The following HECW2 variants were observed in gnomAD, a reference collection of about 807,000 sequenced individuals.
HECW2 encodes HECT, C2 and WW domain containing E3 ubiquitin protein ligase 2, also known as E3 ubiquitin-protein ligase HECW2.
Under a neutral mutation model 175.2 loss-of-function variants are expected in HECW2, and 61 were observed. The observed-to-expected ratio is 0.35, with a 90% CI of 0.28 to 0.43. HECW2 has a LOEUF of 0.43. Among genes scored for constraint, HECW2 ranks in the 20% least tolerant of loss-of-function variants. The pLI is 1.00. For synonymous variants in HECW2, 671 were observed against 731.0 expected, an observed-to-expected ratio of 0.92 and a Z score of 1.32; for missense variants, 1,524 against 2,000.5, an observed-to-expected ratio of 0.76 and a Z score of 4.54.
intron 1 of HECW2, among the ~76,000 whole-genome samples, chr2:196,573,565 G>A (rs1189342476): frequency 6.6e-6 from 1 of 151,974 alleles, no homozygotes; most frequent in African/African-American, 2.4e-5. Context: ...TATATGACCT[G>A]GCAGTTAGCT....
intron 1 of HECW2, among the ~76,000 whole-genome samples, chr2:196,491,485 T>C (rs1300377948): frequency 3.9e-5 from 5 of 127,054 alleles, no homozygotes; most frequent in African/African-American, 1.1e-4. Flanking sequence ...TATATATATA[T>C]ACACATATAT....
chr2:196,283,261 CAAA>C (rs1190850443), intron 14 of HECW2, among the ~76,000 whole-genome samples: 6 of 45,286 alleles, frequency 1.3e-4, no homozygotes, highest in Non-Finnish European at 1.9e-4. Context: ...GACTCCATCT[CAAA>C]AAAAAAAAAA....
At chr2:196,219,596 C>CT (rs1418030301) in intron 26 of HECW2, among the ~76,000 whole-genome samples, 1 of 152,162 alleles carries the variant, frequency 6.6e-6, no homozygotes, top group Non-Finnish European at 1.5e-5. Flanking sequence ...TTCAAGTGTT[C>CT]TGACTATGAA....
intron 2 of HECW2, among the ~76,000 whole-genome samples, chr2:196,396,908 G>A (rs1010821082): frequency 6.6e-6 from 1 of 151,944 alleles, no homozygotes; most frequent in Non-Finnish European, 1.5e-5. Flanking sequence ...TCAGGAGATT[G>A]AGACCATCCT....
chr2:196,538,523 T>C (rs1285244181), intron 1 of HECW2, among the ~76,000 whole-genome samples: 2 of 152,176 alleles, frequency 1.3e-5, no homozygotes. Flanking sequence ...CCACAGTACA[T>C]TTTTGGGAGA....
intron 2 of HECW2, among the ~76,000 whole-genome samples, chr2:196,374,849 A>AG (rs60927181): frequency 6.6e-6 from 1 of 151,632 alleles, no homozygotes; most frequent in African/African-American, 2.4e-5. Context: ...AAAAAAAAAA[A>AG]GAAGCAAAGA....
chr2:196,373,473 C>G (rs1204720775), intron 2 of HECW2, among the ~76,000 whole-genome samples: 4 of 152,160 alleles, frequency 2.6e-5, no homozygotes, highest in African/African-American at 9.7e-5. Flanking sequence ...AAATGTCCTT[C>G]CTGGAACAAA....
intron 1 of HECW2, among the ~76,000 whole-genome samples, chr2:196,462,767 G>A (rs942749174): frequency 2.0e-5 from 3 of 151,856 alleles, no homozygotes; most frequent in Non-Finnish European, 4.4e-5. Context: ...ACACAAGTCA[G>A]GTCAAAACAA....
intron 16 of HECW2, among the ~76,000 whole-genome samples, chr2:196,271,865 A>T (rs1689753041): frequency 6.6e-6 from 1 of 152,232 alleles, no homozygotes; most frequent in Admixed American, 6.5e-5. Context: ...CTTACATTCC[A>T]ATTTGTATCT....
At chr2:196,564,037 T>C (rs1348796991) in intron 1 of HECW2, among the ~76,000 whole-genome samples, 1 of 152,156 alleles carries the variant, frequency 6.6e-6, no homozygotes, top group African/African-American at 2.4e-5. Context: ...CTACAGTAGT[T>C]AACACTTAAC....
At chr2:196,501,304 GAC>G (rs1687570826) in intron 1 of HECW2, among the ~76,000 whole-genome samples, 1 of 152,162 alleles carries the variant, frequency 6.6e-6, no homozygotes, top group East Asian at 1.9e-4. Flanking sequence ...TATTTTTTGA[GAC>G]AGAGTCTCAC....
At chr2:196,529,873 C>G (rs1430562884) in intron 1 of HECW2, among the ~76,000 whole-genome samples, 1 of 152,204 alleles carries the variant, frequency 6.6e-6, no homozygotes. Flanking sequence ...TCAGCCTGCC[C>G]TAACTAATAC....
intron 1 of HECW2, chr2:196,592,920 C>T (rs1474343336): frequency 2.0e-5 from 3 of 151,206 alleles, no homozygotes; most frequent in Non-Finnish European, 4.4e-5. Flanking sequence ...GGGGGCGCCG[C>T]CGCGCGTTGC....
intron 3 of HECW2, among the ~76,000 whole-genome samples, chr2:196,339,433 T>C (rs147599365): frequency 6.6e-6 from 1 of 152,326 alleles, no homozygotes; most frequent in Admixed American, 6.5e-5. Context: ...CAAATATCAG[T>C]GTTTTGTCAT....
chr2:196,452,108 G>C (rs1368088434), intron 1 of HECW2, among the ~76,000 whole-genome samples: 1 of 152,136 alleles, frequency 6.6e-6, no homozygotes, highest in East Asian at 1.9e-4. Flanking sequence ...GTACAACACT[G>C]TGTTGTCCAT....
rs1575613486 is a variant in HECW2, at chr2:196,505,249, G to A, written c.-35-71791C>T. On this transcript the variant is annotated intron_variant, in intron 1 of 28. Transcript: ENST00000644978. ...GACAAAAACAGCAATTAATAAACGA[G>A]AAAACAAGGCCAGGCACAGTGGCTC... Among the ~76,000 whole-genome samples, 6 of 152,062 alleles carry A rather than the reference G, an allele frequency of 3.9e-5. No individual in the cohort carries two copies. In the South Asian group the frequency reaches 1.2e-3, roughly 32 times the overall value.
intron 1 of HECW2, among the ~76,000 whole-genome samples, chr2:196,435,771 C>T (rs1394630207): frequency 6.6e-6 from 1 of 152,094 alleles, no homozygotes; most frequent in East Asian, 1.9e-4. Context: ...CCTCTGTTTC[C>T]CCACCTATCC....
intron 1 of HECW2, among the ~76,000 whole-genome samples, chr2:196,543,047 G>T (rs1013841308): frequency 6.7e-6 from 1 of 149,922 alleles, no homozygotes; most frequent in African/African-American, 2.4e-5. Context: ...AGGAAAAAAG[G>T]ACAACAGTAA....
intron 1 of HECW2, among the ~76,000 whole-genome samples, chr2:196,555,195 T>TA (rs1368502515): frequency 2.0e-4 from 30 of 152,284 alleles, no homozygotes; most frequent in Non-Finnish European, 2.6e-4. Context: ...GGTAGATTAT[T>TA]AGCAACAGAA....
Sources: gnomAD v4.1 joint callset for allele counts (sites outside exome capture counted in the v4.1 genomes callset) on GRCh38, gnomAD v4.1.1 for gene constraint, MANE v1.5 for transcripts, NCBI Gene and HGNC (gene_info 2026-07-23, HGNC 2026-07-21) for gene names.